The following CSMD1 variants were observed in gnomAD, a reference collection of about 807,000 sequenced individuals.
CSMD1 encodes CUB and Sushi multiple domains 1.
In CSMD1, 213 loss-of-function variants were observed where a neutral mutation model predicts 417.5. That is an observed-to-expected ratio of 0.51 (90% CI 0.46 to 0.57). The LOEUF (loss-of-function observed/expected upper bound fraction) is 0.57. Ranked by LOEUF, CSMD1 falls within the 20% of genes least tolerant of loss-of-function variation. CSMD1 has a pLI of 0.00. For synonymous variants in CSMD1, 2,862 were observed against 1,736.8 expected (o/e 1.65, Z -16.11); for missense variants, 6,923 against 4,529.7 (o/e 1.53, Z -15.17).
chr8:3,911,084 G>A (rs1033903577), intron 5 of CSMD1, among the ~76,000 whole-genome samples: 3 of 152,152 alleles, frequency 2.0e-5, no homozygotes, highest in Non-Finnish European at 2.9e-5. Context: ...AGAAAATTCT[G>A]TCAAATCACC....
In CSMD1 at chr8:3,889,474, T is replaced by C. The variant is rs1304232056; in HGVS notation, c.818+108429A>G. On this transcript the variant is annotated intron_variant, in intron 5 of 69. Transcript: ENST00000635120. ...TTCCATATATATATATATATATATA[T>C]ATATATATATATATATATAAAATAT... Among the ~76,000 whole-genome samples, 12 of 107,826 alleles carry C rather than the reference T, an allele frequency of 1.1e-4. 1 individual carries two copies. The highest frequency in any genetic ancestry group is 2.1e-4 in the Non-Finnish European group (11 of 52,378). The allele number at this position is 107,826 out of a possible 152,430, so 70.7% of individuals were successfully genotyped here.
At chr8:4,446,320 G>A (rs370195323) in intron 2 of CSMD1, among the ~76,000 whole-genome samples, 3 of 152,278 alleles carry the variant, frequency 2.0e-5, no homozygotes, top group Middle Eastern at 3.4e-3. Context: ...GCCCAGCATG[G>A]GTGGATCGCT....
chr8:4,135,398 G>C (rs1252011118), intron 3 of CSMD1, among the ~76,000 whole-genome samples: 2 of 107,140 alleles, frequency 1.9e-5, no homozygotes, highest in South Asian at 7.6e-4. Context: ...GAAGGAAGGG[G>C]AAAGAGGGAA....
chr8:4,876,254 T>C (rs1454998437), intron 1 of CSMD1, among the ~76,000 whole-genome samples: 1 of 152,064 alleles, frequency 6.6e-6, no homozygotes, highest in Non-Finnish European at 1.5e-5. Flanking sequence ...GGTATAATAT[T>C]ACCCTCCATG....
rs112589879 is a variant in CSMD1 at position 4,249,632 on chromosome 8, G to C, written c.415+170321C>G. Among the ~76,000 whole-genome samples, 1,313 of 152,260 alleles carry C rather than the reference G, an allele frequency of 8.6e-3. 17 individuals are homozygous for C. Among genetic ancestry groups the C allele is most frequent in the African/African-American group, 0.029 (1,204 of 41,534 alleles). ...AGAAATGTTTTCTCTGCTCAACACAGTGTGGAACGTGGCTCTAGGCTTGAG... is the reference window on the plus strand; with the variant it reads ...AGAAATGTTTTCTCTGCTCAACACACTGTGGAACGTGGCTCTAGGCTTGAG... On this transcript the variant is annotated intron_variant, in intron 3 of 69. Coordinates refer to ENST00000635120, the MANE Select transcript of CSMD1 (RefSeq NM_033225.6).
At chr8:3,726,012 C>A (rs906256721) in intron 6 of CSMD1, among the ~76,000 whole-genome samples, 1 of 152,160 alleles carries the variant, frequency 6.6e-6, no homozygotes, top group Non-Finnish European at 1.5e-5. Context: ...ACTGCAAGTT[C>A]CTGCTGGCTC....
rs528340165 is a variant in CSMD1 at position 3,354,508 on chromosome 8, C to T, written c.3304+4644G>A. ...TTTAAACCAAGTTCATTGTGTTCTA[C>T]GCAACAAATAAGTAAATCTTGCCCG... is the stretch of plus-strand genomic sequence containing the variant. On this transcript the variant is annotated intron_variant, in intron 21 of 69. Coordinates refer to ENST00000635120, the MANE Select transcript of CSMD1 (RefSeq NM_033225.6). 6.6e-5 allele frequency among the ~76,000 whole-genome samples: 10 copies of T among 152,142 alleles called. No individual in the cohort carries two copies. The South Asian group carries it at 1.9e-3, about 28-fold the overall frequency.
At chr8:3,356,078 T>G (rs759693124) in intron 21 of CSMD1, among the ~76,000 whole-genome samples, 22 of 152,252 alleles carry the variant, frequency 1.4e-4, no homozygotes, top group Admixed American at 5.9e-4. Flanking sequence ...AGATGCTCAC[T>G]AGAAATTCCA....
At chr8:4,933,859 A>T (rs1449192022) in intron 1 of CSMD1, among the ~76,000 whole-genome samples, 1 of 152,236 alleles carries the variant, frequency 6.6e-6, no homozygotes, top group Non-Finnish European at 1.5e-5. Context: ...ATATTTACAA[A>T]GATACATTGA....
chr8:3,633,489 G>C (rs1206915027), intron 7 of CSMD1, among the ~76,000 whole-genome samples: 1 of 152,130 alleles, frequency 6.6e-6, no homozygotes, highest in Non-Finnish European at 1.5e-5. Flanking sequence ...TCCCAATTTA[G>C]AAGTCAAATA....
chr8:3,911,211 T>C (rs1220060398), intron 5 of CSMD1, among the ~76,000 whole-genome samples: 2 of 152,186 alleles, frequency 1.3e-5, no homozygotes, highest in Non-Finnish European at 2.9e-5. Context: ...GATGTCAGCA[T>C]CTCTCTTGAA....
At chr8:4,091,730 G>A (rs1347716881) in intron 3 of CSMD1, among the ~76,000 whole-genome samples, 1 of 152,182 alleles carries the variant, frequency 6.6e-6, no homozygotes, top group African/African-American at 2.4e-5. Flanking sequence ...CGCTTGGTGT[G>A]CTGGTGTGTA....
chr8:3,750,624 G>T (rs188459825), intron 6 of CSMD1, among the ~76,000 whole-genome samples: 10 of 152,190 alleles, frequency 6.6e-5, no homozygotes, highest in Non-Finnish European at 8.8e-5. Flanking sequence ...TCTCGGTATA[G>T]ACAAGAGGGA....
intron 26 of CSMD1, among the ~76,000 whole-genome samples, chr8:3,239,776 G>C (rs1012847601): frequency 1.3e-5 from 2 of 152,154 alleles, no homozygotes; most frequent in Non-Finnish European, 2.9e-5. Flanking sequence ...AGCGTGATGA[G>C]GGCGAGGAAC....
chr8:4,439,427 G>A (rs1253422819), intron 2 of CSMD1, among the ~76,000 whole-genome samples: 1 of 152,128 alleles, frequency 6.6e-6, no homozygotes, highest in African/African-American at 2.4e-5. Context: ...ATTTAATAAT[G>A]TAATGATTTT....
intron 6 of CSMD1, among the ~76,000 whole-genome samples, chr8:3,743,313 G>T (rs959855899): frequency 6.6e-6 from 1 of 152,184 alleles, no homozygotes; most frequent in African/African-American, 2.4e-5. Flanking sequence ...GGCTTTCCTG[G>T]ATGCTGGAAG....
At chr8:3,855,715 C>G (rs1585096433) in intron 5 of CSMD1, among the ~76,000 whole-genome samples, 1 of 152,112 alleles carries the variant, frequency 6.6e-6, no homozygotes, top group Admixed American at 6.6e-5. Context: ...TTTTCTTCTA[C>G]TGAGAAAATT....
chr8:4,052,152 T>C lies in CSMD1; in HGVS notation c.416-20053A>G, dbSNP rs190611381. Among the ~76,000 whole-genome samples the C allele has an allele frequency of 2.6e-5, 4 of 152,228 alleles. No individual in the cohort carries two copies. In the East Asian group the frequency reaches 7.8e-4, roughly 30 times the overall value. On this transcript the variant is annotated intron_variant, in intron 3 of 69. Transcript: ENST00000635120. ...GTTGGTCAGGGTGGTCTCGAACTCC[T>C]GACCTGAAGTGATCCACCCACCTTG...
intron 3 of CSMD1, among the ~76,000 whole-genome samples, chr8:4,278,683 A>T (rs1400787548): frequency 6.6e-6 from 1 of 152,216 alleles, no homozygotes; most frequent in Non-Finnish European, 1.5e-5. Flanking sequence ...AACAGTCTAT[A>T]GCCACTTAAA....
Sources: gnomAD v4.1 joint callset for allele counts (sites outside exome capture counted in the v4.1 genomes callset) on GRCh38, gnomAD v4.1.1 for gene constraint, MANE v1.5 for transcripts, NCBI Gene and HGNC (gene_info 2026-07-23, HGNC 2026-07-21) for gene names.